Variants in NEGR1 observed in about 807,000 individuals in gnomAD.
NEGR1 encodes IgLON family member 4.
NEGR1 carries 10 observed loss-of-function variants against 40.9 expected under a neutral mutation model. The observed-to-expected ratio is 0.24, with a 90% CI of 0.15 to 0.42. NEGR1 has a LOEUF of 0.42. Ranked by LOEUF, NEGR1 falls within the 10% of genes least tolerant of loss-of-function variation. The probability of loss-of-function intolerance (pLI) is 1.00; values close to 1 mark genes in which losing one functional copy is unlikely to be tolerated. For synonymous variants in NEGR1, 185 were observed against 166.8 expected, an observed-to-expected ratio of 1.11 and a Z score of -0.84; for missense variants, 352 against 438.9, an observed-to-expected ratio of 0.80 and a Z score of 1.77.
intron 1 of NEGR1, among the ~76,000 whole-genome samples, chr1:71,977,029 A>G (rs539819325): frequency 1.3e-5 from 2 of 152,288 alleles, no homozygotes; most frequent in Non-Finnish European, 2.9e-5. Flanking sequence ...ATAAAGGATA[A>G]AACTAGAAAG....
chr1:71,697,995 T>C lies in NEGR1; in HGVS notation c.667+13A>G. On this transcript the variant is annotated intron_variant, in intron 4 of 6. Coordinates refer to ENST00000357731, the MANE Select transcript of NEGR1 (RefSeq NM_173808.3). ...TCTCAGAACTTATCTTGATAAAAGG[T>C]GATGACACTTACAGTTGACAACAAC... 1.2e-6 allele frequency: 2 copies of C among 1,606,964 alleles called. No individual in the cohort carries two copies. Among genetic ancestry groups the C allele is most frequent in the Non-Finnish European group, 1.7e-6 (2 of 1,176,506 alleles).
chr1:71,637,771 T>C (rs899437360), intron 4 of NEGR1, among the ~76,000 whole-genome samples: 4 of 151,918 alleles, frequency 2.6e-5, no homozygotes, highest in African/African-American at 7.3e-5. Context: ...AGAAGCATCA[T>C]TGGCGGTAGG....
chr1:71,926,738 A>G (rs554725752), intron 2 of NEGR1, among the ~76,000 whole-genome samples: 1 of 152,224 alleles, frequency 6.6e-6, no homozygotes, highest in South Asian at 2.1e-4. Flanking sequence ...CAACTTAGTA[A>G]TTCCCTTTGT....
intron 1 of NEGR1, chr1:72,274,980 C>T (rs878891157): frequency 6.5e-7 from 1 of 1,530,956 alleles, no homozygotes; most frequent in Admixed American, 1.7e-5. Context: ...AGTACATTGC[C>T]ATAGTTAGTA....
chr1:72,039,593 T>C (rs560517890), intron 1 of NEGR1, among the ~76,000 whole-genome samples: 118 of 151,982 alleles, frequency 7.8e-4, no homozygotes, highest in Non-Finnish European at 1.2e-3. Context: ...TATTTCCCGA[T>C]ACCAACTCAA....
chr1:71,572,607 G>T (rs572985255), intron 6 of NEGR1, among the ~76,000 whole-genome samples: 1 of 152,154 alleles, frequency 6.6e-6, no homozygotes, highest in African/African-American at 2.4e-5. Context: ...CCATGTACGC[G>T]TGAGGTCTGG....
At chr1:71,764,357 G>C (rs576677508) in intron 3 of NEGR1, among the ~76,000 whole-genome samples, 1 of 152,166 alleles carries the variant, frequency 6.6e-6, no homozygotes, top group East Asian at 1.9e-4. Flanking sequence ...GTTTGATATT[G>C]GAATACATTC....
chr1:72,195,741 GA>G (rs1450730703), intron 1 of NEGR1, among the ~76,000 whole-genome samples: 2 of 151,800 alleles, frequency 1.3e-5, no homozygotes, highest in Admixed American at 1.3e-4. Context: ...AGTACAGACA[GA>G]TTTAGGAATG....
intron 6 of NEGR1, among the ~76,000 whole-genome samples, chr1:71,444,757 G>C (rs1278031278): frequency 1.3e-5 from 2 of 151,870 alleles, no homozygotes; most frequent in African/African-American, 4.8e-5. Context: ...TCAATCCCTG[G>C]TGTAGACAAC....
chr1:71,911,221 T>C (rs1661413237), intron 2 of NEGR1, among the ~76,000 whole-genome samples: 1 of 152,294 alleles, frequency 6.6e-6, no homozygotes, highest in Admixed American at 6.5e-5. Context: ...AATGGTAATA[T>C]TTTAATTGTA....
chr1:72,140,723 G>A (rs994296413), intron 1 of NEGR1, among the ~76,000 whole-genome samples: 4 of 151,854 alleles, frequency 2.6e-5, no homozygotes, highest in Non-Finnish European at 1.5e-5. Flanking sequence ...AATATATTTT[G>A]TTAAATGTTA....
At chr1:71,635,969 T>A (rs1651135134) in intron 4 of NEGR1, among the ~76,000 whole-genome samples, 1 of 152,056 alleles carries the variant, frequency 6.6e-6, no homozygotes, top group Non-Finnish European at 1.5e-5. Context: ...GTTAAAAAAA[T>A]CAAGTAAACA....
At chr1:72,249,892 C>T (rs1328400268) in intron 1 of NEGR1, among the ~76,000 whole-genome samples, 1 of 152,118 alleles carries the variant, frequency 6.6e-6, no homozygotes, top group Non-Finnish European at 1.5e-5. Context: ...TTACAAATGC[C>T]TCAGATCTTC....
At chr1:71,622,192 ACTTT>A (rs1451838195) in intron 4 of NEGR1, among the ~76,000 whole-genome samples, 1 of 151,892 alleles carries the variant, frequency 6.6e-6, no homozygotes, top group African/African-American at 2.4e-5. Flanking sequence ...TGTTTGCCGA[ACTTT>A]CTTTCTTTCA....
chr1:71,852,280 G>C (rs1353509047), intron 2 of NEGR1, among the ~76,000 whole-genome samples: 1 of 152,122 alleles, frequency 6.6e-6, no homozygotes, highest in Non-Finnish European at 1.5e-5. Flanking sequence ...CTATAGACCA[G>C]AGTTGACAAG....
chr1:71,672,534 A>G (rs902941450), intron 4 of NEGR1, among the ~76,000 whole-genome samples: 2 of 152,192 alleles, frequency 1.3e-5, no homozygotes, highest in African/African-American at 4.8e-5. Context: ...CAATCAATAA[A>G]TGAAAGGGAA....
intron 3 of NEGR1, among the ~76,000 whole-genome samples, chr1:71,716,807 G>T (rs1212585748): frequency 6.6e-6 from 1 of 152,006 alleles, no homozygotes; most frequent in South Asian, 2.1e-4. Context: ...CCCATTTAGT[G>T]GTCTAAGAAG....
At position 72,120,500 on chromosome 1, in the gene NEGR1, C is replaced by CT. The variant is rs923669043; in HGVS notation, c.176+161818dup. On this transcript the variant is annotated intron_variant, in intron 1 of 6. Transcript: ENST00000357731. ...TATATATCTGCACAATTTAACACTT[C>CT]TTTTTTTTTCTTTCTTTTTTTTATC... is the stretch of plus-strand genomic sequence containing the variant. Among the ~76,000 whole-genome samples the CT allele has an allele frequency of 3.7e-4, 53 of 141,618 alleles. No individual in the cohort carries two copies. The South Asian group carries it at 9.7e-3, about 26-fold the overall frequency. 92.9% of individuals were successfully genotyped at this position (141,618 alleles called of 152,430 possible).
intron 4 of NEGR1, among the ~76,000 whole-genome samples, chr1:71,675,137 AT>A (rs1170466686): frequency 7.0e-6 from 1 of 143,274 alleles, no homozygotes; most frequent in African/African-American, 2.5e-5. Context: ...ACACACACAC[AT>A]ATGAATTCTT....
Sources: allele counts gnomAD v4.1 joint callset (sites outside exome capture counted in the v4.1 genomes callset), GRCh38; gene constraint gnomAD v4.1.1; transcripts MANE v1.5; gene names NCBI Gene and HGNC (gene_info 2026-07-23, HGNC 2026-07-21).